The following CNTN4 variants were observed in gnomAD, a reference collection of about 807,000 sequenced individuals.
CNTN4 encodes contactin 4, also known as contactin-4.
In CNTN4, 77 loss-of-function variants were observed where a neutral mutation model predicts 122.5. The ratio of observed to expected loss-of-function variants is 0.63; its 90% CI spans 0.52 to 0.76. The LOEUF (loss-of-function observed/expected upper bound fraction) is 0.76, where lower values mean the gene tolerates loss of function less well. Ranked by LOEUF, CNTN4 falls within the 30% of genes least tolerant of loss-of-function variation. The pLI is 0.00. For synonymous variants in CNTN4, 512 were observed against 447.0 expected (o/e 1.15, Z -1.83); for missense variants, 1,256 against 1,259.1 (o/e 1.00, Z 0.04).
At position 2,736,252 on chromosome 3, in the gene CNTN4, A is replaced by G; in HGVS notation, c.93A>G (p.Glu31=). 2 of 1,613,720 alleles carry G rather than the reference A, an allele frequency of 1.2e-6. No individual in the cohort carries two copies. The highest frequency in any genetic ancestry group is 1.7e-6 in the Non-Finnish European group (2 of 1,179,780). The part of the protein sequence containing the change: ...STLHGPIFIQ[E]PSPVMFPLDS... The stretch of plus-strand genomic sequence containing the variant: ...TGCATGGCCCGATTTTTATTCAAGA[A>G]CCAAGTCCTGTAATGTTCCCTTTGG... Residue 31 remains glutamate (E), a synonymous_variant, in exon 5 of 25, where the codon GAA becomes GAG. Transcript: ENST00000418658.
chr3:2,185,652 C>T (rs530927947), intron 2 of CNTN4, among the ~76,000 whole-genome samples: 1 of 152,238 alleles, frequency 6.6e-6, no homozygotes, highest in Non-Finnish European at 1.5e-5. Context: ...GTCTGTGCCT[C>T]TGTTTAGAGT....
At chr3:2,559,692 C>A (rs2078867470) in intron 3 of CNTN4, among the ~76,000 whole-genome samples, 1 of 152,038 alleles carries the variant, frequency 6.6e-6, no homozygotes, top group African/African-American at 2.4e-5. Flanking sequence ...GTTTAATTTG[C>A]AGAAGGCTTC....
chr3:2,674,187 A>G (rs939315675), intron 4 of CNTN4, among the ~76,000 whole-genome samples: 1 of 152,246 alleles, frequency 6.6e-6, no homozygotes, highest in African/African-American at 2.4e-5. Context: ...TACAATCCAT[A>G]TGCCTCATAA....
intron 2 of CNTN4, among the ~76,000 whole-genome samples, chr3:2,223,956 T>TG (rs1174525470): frequency 3.3e-5 from 5 of 152,042 alleles, no homozygotes; most frequent in African/African-American, 1.2e-4. Flanking sequence ...TGGGGCTTCT[T>TG]GGGGGGCAGG....
intron 2 of CNTN4, among the ~76,000 whole-genome samples, chr3:2,147,018 C>T (rs1464411488): frequency 6.6e-6 from 1 of 151,966 alleles, no homozygotes; most frequent in Non-Finnish European, 1.5e-5. Flanking sequence ...GTAGCTGGAA[C>T]TATAGGCACT....
chr3:2,400,733 TAACTTTGTGG>T (rs1310394920), intron 3 of CNTN4, among the ~76,000 whole-genome samples: 1 of 151,312 alleles, frequency 6.6e-6, no homozygotes, highest in Admixed American at 6.6e-5. Context: ...GCAAAGAAAC[TAACTTTGTGG>T]TGGCTTTTAT....
chr3:2,329,500 T>G (rs544718224), intron 2 of CNTN4, among the ~76,000 whole-genome samples: 82 of 151,842 alleles, frequency 5.4e-4, no homozygotes, highest in African/African-American at 1.9e-3. Context: ...GACATATTCC[T>G]TTTCAAAAAT....
chr3:2,350,739 G>A (rs1446497348), intron 3 of CNTN4, among the ~76,000 whole-genome samples: 3 of 152,102 alleles, frequency 2.0e-5, no homozygotes, highest in Admixed American at 1.3e-4. Context: ...CTTATACATT[G>A]AATTTAATCA....
intron 6 of CNTN4, among the ~76,000 whole-genome samples, chr3:2,758,516 A>T (rs377086154): frequency 4.5e-5 from 3 of 67,246 alleles, no homozygotes; most frequent in Non-Finnish European, 1.2e-4. Context: ...TCAACACCAT[A>T]CTTTTTTTTT....
intron 4 of CNTN4, among the ~76,000 whole-genome samples, chr3:2,672,944 A>T (rs1021007410): frequency 1.3e-5 from 2 of 152,228 alleles, no homozygotes; most frequent in African/African-American, 4.8e-5. Context: ...AGAATCACGT[A>T]AATAGATAAT....
chr3:2,210,211 G>C (rs1385645729), intron 2 of CNTN4, among the ~76,000 whole-genome samples: 1 of 152,056 alleles, frequency 6.6e-6, no homozygotes, highest in Non-Finnish European at 1.5e-5. Context: ...AAAATGATAT[G>C]ATAGATCTGT....
chr3:2,138,773 C>T (rs964994586), intron 2 of CNTN4, among the ~76,000 whole-genome samples: 5 of 152,284 alleles, frequency 3.3e-5, no homozygotes, highest in Admixed American at 1.3e-4. Flanking sequence ...TTCTCTGGAT[C>T]TCCAGCTTAT....
At position 2,308,635 on chromosome 3, in the gene CNTN4, T is replaced by C. The variant is rs528493216; in HGVS notation, c.-144-30543T>C. On this transcript the variant is annotated intron_variant, in intron 2 of 24. Coordinates refer to ENST00000418658, the MANE Select transcript of CNTN4 (RefSeq NM_175607.3). ...TGAAAGTAATTTCCCTTTTGATTTT[T>C]TTCTTGACCCCTTGGTTATTTATGG... Among the ~76,000 whole-genome samples, 247 of 152,212 alleles carry C rather than the reference T, an allele frequency of 1.6e-3. 2 individuals are homozygous for C. The Middle Eastern group carries it at 0.024, about 15-fold the overall frequency.
intron 2 of CNTN4, among the ~76,000 whole-genome samples, chr3:2,324,423 G>A (rs1476171118): frequency 6.6e-6 from 1 of 152,146 alleles, no homozygotes; most frequent in Non-Finnish European, 1.5e-5. Flanking sequence ...TGTCGTCAGA[G>A]TTATACCTTT....
At chr3:2,253,806 C>T (rs2040468960) in intron 2 of CNTN4, among the ~76,000 whole-genome samples, 1 of 152,002 alleles carries the variant, frequency 6.6e-6, no homozygotes, top group Non-Finnish European at 1.5e-5. Context: ...CACACCTGGT[C>T]AAGATTTCTT....
In CNTN4 at chr3:2,286,772, A is replaced by T. The variant is rs190297313; in HGVS notation, c.-144-52406A>T. ...CATATTTTCAAAGGGACATAAATGA[A>T]CTAGAGAATGCTTAAAATGTTGGGA... is the stretch of plus-strand genomic sequence containing the variant. On this transcript the variant is annotated intron_variant, in intron 2 of 24. Coordinates refer to ENST00000418658, the MANE Select transcript of CNTN4 (RefSeq NM_175607.3). Among the ~76,000 whole-genome samples the T allele has an allele frequency of 2.0e-5, 3 of 152,306 alleles. No individual in the cohort carries two copies. In the East Asian group the frequency reaches 5.8e-4, roughly 29 times the overall value.
At chr3:3,050,242 A>C (rs887128055) in intron 23 of CNTN4, among the ~76,000 whole-genome samples, 4 of 152,116 alleles carry the variant, frequency 2.6e-5, no homozygotes, top group African/African-American at 9.7e-5. Flanking sequence ...AGAACCCACA[A>C]ATTTTTAATG....
chr3:2,949,429 G>A lies in CNTN4; in HGVS notation c.1358+23650G>A, dbSNP rs1319741574. On this transcript the variant is annotated intron_variant, in intron 13 of 24. Transcript: ENST00000418658. ...CTTTGTCTGAAAGAAGCACCCTAGC[G>A]ATGCTTTCAGGAAGGGCCTTTTCCC... is the stretch of plus-strand genomic sequence containing the variant. Among the ~76,000 whole-genome samples, 11 of 152,270 alleles carry A rather than the reference G, an allele frequency of 7.2e-5. No individual in the cohort carries two copies. In the South Asian group the frequency reaches 1.7e-3, roughly 23 times the overall value.
intron 3 of CNTN4, among the ~76,000 whole-genome samples, chr3:2,502,254 T>C (rs1275197949): frequency 1.3e-5 from 2 of 152,308 alleles, no homozygotes; most frequent in East Asian, 3.9e-4. Context: ...ACTCCACTTC[T>C]TTAACACTTC....
Sources: gnomAD v4.1 joint callset for allele counts (sites outside exome capture counted in the v4.1 genomes callset) on GRCh38, gnomAD v4.1.1 for gene constraint, MANE v1.5 for transcripts, NCBI Gene and HGNC (gene_info 2026-07-23, HGNC 2026-07-21) for gene names.